PRMT7: variants seen among roughly 807,000 people sequenced by gnomAD.
The protein encoded by PRMT7 is protein arginine N-methyltransferase 7.
In PRMT7, 75 loss-of-function variants were observed where a neutral mutation model predicts 85.4. The observed-to-expected ratio is 0.88, with a 90% CI of 0.73 to 1.06. PRMT7 has a LOEUF of 1.06. PRMT7 is among the 50% of genes least tolerant of loss of function. The pLI, the probability that PRMT7 is intolerant of heterozygous loss-of-function variation, is 0.00. For missense variants in PRMT7, 868 were observed against 915.2 expected, an observed-to-expected ratio of 0.95 and a Z score of 0.67; for synonymous variants, 397 against 359.5, an observed-to-expected ratio of 1.10 and a Z score of -1.18.
intron 14 of PRMT7, chr16:68,352,013 T>C (rs1395763108): frequency 2.2e-6 from 1 of 461,126 alleles, no homozygotes; most frequent in East Asian, 3.8e-5. Flanking sequence ...TTGTAATCTT[T>C]ACAGCCTCCA....
At chr16:68,345,355 C>T (rs1300504109) in intron 9 of PRMT7, among the ~76,000 whole-genome samples, 1 of 152,178 alleles carries the variant, frequency 6.6e-6, no homozygotes, top group Non-Finnish European at 1.5e-5. Context: ...CAGCACAGCT[C>T]TACGTGTTGA....
At chr16:68,322,388 G>C (rs1476199498) in intron 4 of PRMT7, 3 of 451,658 alleles carry the variant, frequency 6.6e-6, no homozygotes, top group Non-Finnish European at 1.3e-5. Flanking sequence ...TGTAGAGGCA[G>C]AGTTTCGCTG....
chr16:68,345,475 A>G (rs1232218671), intron 9 of PRMT7, among the ~76,000 whole-genome samples, 200 bp from the exon 10 acceptor site: 4 of 152,200 alleles, frequency 2.6e-5, no homozygotes, highest in African/African-American at 9.7e-5. Context: ...GTGTCTTCCT[A>G]AAGCCAGCAG....
rs767683379 is a variant in PRMT7 at position 68,358,577 on chromosome 16, T to A, written c.*1353T>A. ...AATACAGAAATTAAAAAAGTTTTTA[T>A]AACAGTATTTCTAAATCTCAGCAAG... On this transcript the variant is annotated 3_prime_UTR_variant, in exon 19 of 19. Transcript: ENST00000441236. 3.3e-5 allele frequency: 5 copies of A among 152,674 alleles called. No homozygotes were observed. The highest frequency in any genetic ancestry group is 7.3e-5 in the Non-Finnish European group (5 of 68,040). The allele number at this position is 152,674 out of a possible 1,614,324, so 9.5% of individuals were successfully genotyped here. A position where few individuals can be genotyped will look rare whatever the true frequency, so the allele number is the denominator to read the frequency against.
chr16:68,311,193 G>C, intron 1 of PRMT7, 94 bp downstream of exon 1: 1 of 580,710 alleles, frequency 1.7e-6, no homozygotes, highest in South Asian at 1.9e-5. Context: ...CGGCAGAGGA[G>C]CCTAGCGTGG....
intron 6 of PRMT7, among the ~76,000 whole-genome samples, chr16:68,335,481 A>G (rs1482859784): frequency 2.0e-5 from 3 of 151,618 alleles, no homozygotes; most frequent in Non-Finnish European, 2.9e-5. Context: ...GAGGATGGGC[A>G]GGGCTTCTCG....
At chr16:68,342,731 C>T (rs1463168933) in intron 9 of PRMT7, among the ~76,000 whole-genome samples, 2 of 152,166 alleles carry the variant, frequency 1.3e-5, no homozygotes, top group Non-Finnish European at 2.9e-5. Context: ...ATGTGAGCTT[C>T]CTAGTCTCCC....
Position 68,355,849 on chromosome 16 carries a change from C to G in PRMT7, c.1777C>G (p.Pro593Ala), listed in dbSNP as rs775071540. The G allele has an allele frequency of 6.2e-7, 1 of 1,607,506 alleles. No individual in the cohort carries two copies. Residue 593 changes from proline (P) to alanine (A), a missense_variant, in exon 17 of 19, where the codon CCC becomes GCC. By Grantham distance (27) the Pro-to-Ala change is conservative. Coordinates refer to ENST00000441236, the MANE Select transcript of PRMT7 (RefSeq NM_019023.5). ...FDFQQPVPLQ[P>A]LCAEGTVELR... ...CTTCCAGCAGCCGGTGCCCCTGCAG[C>G]CCCTGTGTGCCGAGGGCACCGTGGA...
intron 3 of PRMT7, among the ~76,000 whole-genome samples, chr16:68,317,211 C>T (rs1458089649): frequency 3.1e-5 from 4 of 127,096 alleles, no homozygotes; most frequent in Non-Finnish European, 6.2e-5. Flanking sequence ...GCACTCCAGC[C>T]TGGGTAACAG....
rs137941962 is a variant in PRMT7, at chr16:68,344,295, C to A, written c.928-1380C>A. 2.2e-4 allele frequency among the ~76,000 whole-genome samples: 33 copies of A among 152,284 alleles called. No homozygotes were observed. In the East Asian group the frequency reaches 6.4e-3, roughly 29 times the overall value. ...GCATCTACTTTTTAGGGCAGTTCTT[C>A]CTTTTTCAAAAAGAGGCTTAACAAT... On this transcript the variant is annotated intron_variant, in intron 9 of 18. Transcript: ENST00000441236.
chr16:68,317,495 G>A (rs954503901), intron 3 of PRMT7, among the ~76,000 whole-genome samples: 2 of 152,024 alleles, frequency 1.3e-5, no homozygotes, highest in East Asian at 1.9e-4. Context: ...TTATGCCCAC[G>A]AGTTCAACAT....
Position 68,356,764 on chromosome 16 carries a change from C to G in PRMT7, c.1875C>G (p.Leu625=), listed in dbSNP as rs763210626. ...ACCACCTGACCCCGGAGTGCACGCTCAGCACTGGCCTCCTGGAGCCTGCAG... is the reference window on the plus strand; with the variant it reads ...ACCACCTGACCCCGGAGTGCACGCTGAGCACTGGCCTCCTGGAGCCTGCAG... The part of the protein sequence containing the change: ...MEYHLTPECT[L]STGLLEPADP... The change falls in exon 18 of 19, where the codon CTC becomes CTG. Residue 625 remains leucine, a synonymous_variant. Transcript: ENST00000441236. 2 of 1,610,700 alleles carry G rather than the reference C, an allele frequency of 1.2e-6. No homozygotes were observed. Among genetic ancestry groups the G allele is most frequent in the African/African-American group, 1.3e-5 (1 of 74,856 alleles).
chr16:68,316,211 G>C, intron 3 of PRMT7, 137 bp downstream of exon 3: 1 of 726,008 alleles, frequency 1.4e-6, no homozygotes, highest in East Asian at 2.6e-5. Context: ...TCCTGAGCAG[G>C]TCTGCTCAGC....
chr16:68,321,536 C>T lies in PRMT7; in HGVS notation c.132+74C>T, dbSNP rs1036348959. 5.7e-6 allele frequency: 8 copies of T among 1,401,504 alleles called. No individual in the cohort carries two copies. The Admixed American group carries it at 1.3e-4, about 23-fold the overall frequency. 86.8% of individuals were successfully genotyped at this position (1,401,504 alleles called of 1,614,324 possible). Reference sequence around the variant, plus strand: ...TTGGATTACAAGAAGGTTAAGAATCCCTGGGGGTCATGATGTTAAATGATA... The same window carrying T: ...TTGGATTACAAGAAGGTTAAGAATCTCTGGGGGTCATGATGTTAAATGATA... On this transcript the variant is annotated intron_variant, in intron 4 of 18. Transcript: ENST00000441236.
intron 5 of PRMT7, 116 bp from the exon 6 acceptor site, chr16:68,328,950 G>A (rs1010474635): frequency 3.0e-6 from 2 of 671,134 alleles, no homozygotes; most frequent in African/African-American, 3.6e-5. Context: ...GGAGAATAAA[G>A]TATTTAAGTT....
At chr16:68,333,329 A>G (rs2084181812) in intron 6 of PRMT7, among the ~76,000 whole-genome samples, 1 of 151,972 alleles carries the variant, frequency 6.6e-6, no homozygotes, top group Non-Finnish European at 1.5e-5. Context: ...TAAAAATACA[A>G]AATTAGTCAG....
intron 3 of PRMT7, among the ~76,000 whole-genome samples, chr16:68,317,287 G>A (rs1286037238): frequency 6.6e-6 from 1 of 151,566 alleles, no homozygotes; most frequent in Non-Finnish European, 1.5e-5. Flanking sequence ...GGCACAAGAG[G>A]TCATGGAAGC....
intron 9 of PRMT7, among the ~76,000 whole-genome samples, chr16:68,343,429 C>T (rs994580037): frequency 3.9e-5 from 6 of 152,080 alleles, no homozygotes; most frequent in South Asian, 2.1e-4. Flanking sequence ...TCTCTACCAG[C>T]GTTGACTTTT....
chr16:68,345,808 T>C lies in PRMT7; in HGVS notation c.1055+6T>C. The C allele has an allele frequency of 1.2e-6, 2 of 1,613,958 alleles. No individual in the cohort carries two copies. The highest frequency in any genetic ancestry group is 1.1e-5 in the South Asian group (1 of 91,054). On this transcript the variant is annotated splice_donor_region_variant and intron_variant, in intron 10 of 18. Coordinates refer to ENST00000441236, the MANE Select transcript of PRMT7 (RefSeq NM_019023.5). ...TACAGCCTGCAGAGGACCAGGTACG[T>C]CGAGCCTCGTGGGGGTGGAGGATGA...
Sources: gnomAD v4.1 joint callset for allele counts (sites outside exome capture counted in the v4.1 genomes callset) on GRCh38, gnomAD v4.1.1 for gene constraint, MANE v1.5 for transcripts, NCBI Gene and HGNC (gene_info 2026-07-23, HGNC 2026-07-21) for gene names.